Variants in MTPN observed in about 807,000 individuals in gnomAD.
The protein encoded by MTPN is granule cell differentiation protein.
Under a neutral mutation model 13.5 loss-of-function variants are expected in MTPN, and 2 were observed. The ratio of observed to expected loss-of-function variants is 0.15; its 90% CI spans 0.06 to 0.47. The LOEUF (loss-of-function observed/expected upper bound fraction) is 0.47, where lower values mean the gene tolerates loss of function less well. Among genes scored for constraint, MTPN ranks in the 20% least tolerant of loss-of-function variants. MTPN has a pLI of 0.97. For missense variants in MTPN, 79 were observed against 137.9 expected (o/e 0.57, Z 2.14); for synonymous variants, 46 against 51.7 (o/e 0.89, Z 0.48).
chr7:135,953,120 C>T (rs979106864), intron 1 of MTPN, among the ~76,000 whole-genome samples: 1 of 152,132 alleles, frequency 6.6e-6, no homozygotes, highest in Non-Finnish European at 1.5e-5. Context: ...CCAAACTCCC[C>T]TTCCCCTTTG....
intron 1 of MTPN, among the ~76,000 whole-genome samples, chr7:135,969,546 T>A (rs1799661276): frequency 6.6e-6 from 1 of 150,772 alleles, no homozygotes; most frequent in Non-Finnish European, 1.5e-5. Context: ...ACTTATTTCA[T>A]GCCTTACTTC....
chr7:135,966,857 A>G (rs770114927), intron 1 of MTPN, among the ~76,000 whole-genome samples: 2 of 152,124 alleles, frequency 1.3e-5, no homozygotes, highest in Admixed American at 6.5e-5. Flanking sequence ...TTCATACTAT[A>G]TAAGTAGGGA....
rs142172053 is a variant in MTPN, at chr7:135,935,718, A to G, written c.271-5706T>C. ...CTGTTCACTACCTACCTCTCTAGTCATAGGCCTTGCTAAATCCTTTCTACC... is the reference window on the plus strand; with the variant it reads ...CTGTTCACTACCTACCTCTCTAGTCGTAGGCCTTGCTAAATCCTTTCTACC... On this transcript the variant is annotated intron_variant, in intron 3 of 3. Transcript: ENST00000393085. 8.3e-4 allele frequency among the ~76,000 whole-genome samples: 127 copies of G among 152,338 alleles called. 1 individual carries two copies. The highest frequency in any genetic ancestry group is 3.0e-3 in the African/African-American group (124 of 41,584).
chr7:135,964,730 G>A (rs1799578097), intron 1 of MTPN, among the ~76,000 whole-genome samples: 1 of 151,862 alleles, frequency 6.6e-6, no homozygotes, highest in East Asian at 1.9e-4. Flanking sequence ...ACCTTTCCAT[G>A]CCTTGCTTTT....
chr7:135,970,791 A>T (rs1242799959), intron 1 of MTPN, among the ~76,000 whole-genome samples: 4 of 152,170 alleles, frequency 2.6e-5, no homozygotes, highest in Non-Finnish European at 5.9e-5. Context: ...AGCATTAATA[A>T]TTAGAAAAGA....
chr7:135,960,882 T>C (rs544085739), intron 1 of MTPN: 16 of 150,794 alleles, frequency 1.1e-4, no homozygotes, highest in African/African-American at 3.9e-4. Flanking sequence ...CAAAATGGAA[T>C]CCAAAAGACA....
At chr7:135,934,406 A>AGGAGAAAAGTCC (rs1799081464) in intron 3 of MTPN, among the ~76,000 whole-genome samples, 1 of 152,134 alleles carries the variant, frequency 6.6e-6, no homozygotes, top group Admixed American at 6.5e-5. Context: ...CTTCTAGATA[A>AGGAGAAAAGTCC]GGAGAAAAGT....
chr7:135,935,492 A>G (rs1799101794), intron 3 of MTPN, among the ~76,000 whole-genome samples: 1 of 152,048 alleles, frequency 6.6e-6, no homozygotes, highest in African/African-American at 2.4e-5. Context: ...CGCCCACCTT[A>G]GCGTCCCAAA....
At chr7:135,961,405 A>C (rs1350087417) in intron 1 of MTPN, among the ~76,000 whole-genome samples, 7 of 152,106 alleles carry the variant, frequency 4.6e-5, no homozygotes, top group Admixed American at 4.6e-4. Flanking sequence ...ATTAACACCA[A>C]AAAAATTAAA....
intron 3 of MTPN, among the ~76,000 whole-genome samples, chr7:135,947,252 GCTTGGGGGT>G (rs1799299764): frequency 1.3e-5 from 2 of 152,002 alleles, no homozygotes; most frequent in African/African-American, 4.8e-5. Flanking sequence ...TCCATTTGTT[GCTTGGGGGT>G]ACTAGGCACC....
intron 1 of MTPN, among the ~76,000 whole-genome samples, chr7:135,970,849 C>G (rs968380497): frequency 6.6e-6 from 1 of 152,078 alleles, no homozygotes; most frequent in Non-Finnish European, 1.5e-5. Context: ...GTATCTTATA[C>G]AAGCTGACAT....
rs553364929 is a variant in MTPN at position 135,976,972 on chromosome 7, C to T, written c.72+57G>A. 2.6e-4 allele frequency: 339 copies of T among 1,280,196 alleles called. 3 individuals are homozygous for T. In the South Asian group the frequency reaches 3.8e-3, roughly 14 times the overall value. The allele number at this position is 1,280,196 out of a possible 1,614,324, so 79.3% of individuals were successfully genotyped here. ...GCAGTCCAGCTCCCATCAGCTTCCT[C>T]AGCCTCATCTCCAGCCCACCTCCGT... On this transcript the variant is annotated intron_variant, in intron 1 of 3. Transcript: ENST00000393085.
chr7:135,946,682 T>A (rs576067235), intron 3 of MTPN, among the ~76,000 whole-genome samples: 2 of 152,320 alleles, frequency 1.3e-5, no homozygotes, highest in African/African-American at 4.8e-5. Flanking sequence ...TTAAATATCC[T>A]TTTCATTCCA....
chr7:135,965,437 T>TA (rs1009484161), intron 1 of MTPN, among the ~76,000 whole-genome samples: 1 of 152,020 alleles, frequency 6.6e-6, no homozygotes, highest in African/African-American at 2.4e-5. Context: ...TAATAAATAA[T>TA]AAAAAATATT....
chr7:135,932,239 A>T (rs10262179), intron 3 of MTPN: 6 of 152,132 alleles, frequency 3.9e-5, no homozygotes, highest in Non-Finnish European at 5.9e-5. Flanking sequence ...AGATCAAAAG[A>T]GAATATAAGA....
intron 1 of MTPN, among the ~76,000 whole-genome samples, chr7:135,956,104 C>G (rs1799440290): frequency 6.6e-6 from 1 of 152,138 alleles, no homozygotes. Flanking sequence ...TTAAAGCTGT[C>G]TTTATCTGCA....
chr7:135,932,536 C>CT (rs1303724341), intron 3 of MTPN: 12 of 152,086 alleles, frequency 7.9e-5, no homozygotes, highest in Non-Finnish European at 1.6e-4. Context: ...TAATTCTATA[C>CT]ATTAGATACA....
At chr7:135,975,970 G>A (rs1043731132) in intron 1 of MTPN, among the ~76,000 whole-genome samples, 11 of 152,216 alleles carry the variant, frequency 7.2e-5, no homozygotes, top group African/African-American at 2.4e-4. Context: ...ACCCAGGTCA[G>A]GTCCTATTCT....
intron 1 of MTPN, among the ~76,000 whole-genome samples, chr7:135,965,475 T>C (rs1298752784): frequency 6.6e-6 from 1 of 152,148 alleles, no homozygotes; most frequent in Non-Finnish European, 1.5e-5. Flanking sequence ...TTAGGGTCCA[T>C]ATGCTTTTAT....
Sources: allele counts gnomAD v4.1 joint callset (sites outside exome capture counted in the v4.1 genomes callset), GRCh38; gene constraint gnomAD v4.1.1; transcripts MANE v1.5; gene names NCBI Gene and HGNC (gene_info 2026-07-23, HGNC 2026-07-21).